MCPH1: variants seen among roughly 807,000 people sequenced by gnomAD.
MCPH1 encodes the protein microcephalin.
In MCPH1, 104 loss-of-function variants were observed where a neutral mutation model predicts 84.5. That is an observed-to-expected ratio of 1.23 (90% confidence interval 1.05 to 1.45). The LOEUF (loss-of-function observed/expected upper bound fraction) is 1.45, where lower values mean the gene tolerates loss of function less well. Ranked by LOEUF, MCPH1 falls within the 40% of genes most tolerant of loss-of-function variation. The pLI, the probability that MCPH1 is intolerant of heterozygous loss-of-function variation, is 0.00. For missense variants in MCPH1, 1,498 were observed against 1,005.7 expected (o/e 1.49, Z -6.62); for synonymous variants, 514 against 366.8 (o/e 1.40, Z -4.58).
intron 12 of MCPH1, among the ~76,000 whole-genome samples, chr8:6,535,191 A>G (rs1283312722): frequency 6.6e-6 from 1 of 152,224 alleles, no homozygotes; most frequent in Non-Finnish European, 1.5e-5. Context: ...ACTCTAAATC[A>G]TACAACCAGA....
intron 12 of MCPH1, among the ~76,000 whole-genome samples, chr8:6,620,500 G>C (rs953676373): frequency 6.6e-6 from 1 of 152,042 alleles, no homozygotes; most frequent in Non-Finnish European, 1.5e-5. Context: ...CCCTGACTGA[G>C]AGGACCCCGA....
intron 8 of MCPH1, among the ~76,000 whole-genome samples, chr8:6,448,736 CAT>C (rs1381304525): frequency 1.3e-5 from 2 of 152,130 alleles, no homozygotes; most frequent in South Asian, 2.1e-4. Context: ...AGCAGTATGT[CAT>C]ATATTTACAT....
chr8:6,418,364 CA>C (rs1426821786), intron 3 of MCPH1, among the ~76,000 whole-genome samples: 1 of 152,104 alleles, frequency 6.6e-6, no homozygotes, highest in African/African-American at 2.4e-5. Flanking sequence ...TATTTCCCTC[CA>C]GCTTTCAAAG....
At chr8:6,522,210 C>A (rs1817488746) in intron 12 of MCPH1, among the ~76,000 whole-genome samples, 1 of 152,058 alleles carries the variant, frequency 6.6e-6, no homozygotes. Flanking sequence ...AAAAAATTCT[C>A]CAGGCGTGGT....
chr8:6,424,074 A>G (rs920481669), intron 3 of MCPH1, among the ~76,000 whole-genome samples: 1 of 152,170 alleles, frequency 6.6e-6, no homozygotes, highest in Non-Finnish European at 1.5e-5. Flanking sequence ...CATTAACTTC[A>G]TAAGGTCACT....
At chr8:6,433,098 A>G (rs1802077839) in intron 4 of MCPH1, among the ~76,000 whole-genome samples, 2 of 152,148 alleles carry the variant, frequency 1.3e-5, no homozygotes, top group South Asian at 4.1e-4. Context: ...AATTAACAAT[A>G]TGGTTTTGAC....
At chr8:6,423,908 G>T (rs1050402017) in intron 3 of MCPH1, among the ~76,000 whole-genome samples, 1 of 151,994 alleles carries the variant, frequency 6.6e-6, no homozygotes, top group African/African-American at 2.4e-5. Context: ...GTTTTTATTT[G>T]CATTTCTCTG....
At chr8:6,428,319 C>T (rs1801356349) in intron 3 of MCPH1, among the ~76,000 whole-genome samples, 1 of 152,082 alleles carries the variant, frequency 6.6e-6, no homozygotes, top group Admixed American at 6.6e-5. Context: ...GGGTTAGGAA[C>T]ATCAGTATGT....
chr8:6,407,081 C>T lies in MCPH1; in HGVS notation c.22+392C>T, dbSNP rs1797837078. On this transcript the variant is annotated intron_variant, in intron 1 of 13. Transcript: ENST00000344683. The stretch of plus-strand genomic sequence containing the variant: ...CCCCCAAATCCCGCCTTTCCCCCTA[C>T]CTGCTTTCACCCCTGCTGCCTTAGT... 3 of 333,208 alleles carry T rather than the reference C, an allele frequency of 9.0e-6. No individual in the cohort carries two copies. In the Admixed American group the frequency reaches 1.3e-4, roughly 14 times the overall value. 20.6% of individuals were successfully genotyped at this position (333,208 alleles called of 1,614,324 possible). A position where few individuals can be genotyped will look rare whatever the true frequency, so the allele number is the denominator to read the frequency against.
chr8:6,532,455 T>C (rs1295972888), intron 12 of MCPH1: 3 of 1,613,836 alleles, frequency 1.9e-6, no homozygotes, highest in Non-Finnish European at 2.5e-6. Flanking sequence ...CTACCATTTC[T>C]TTCTTCATGT....
intron 8 of MCPH1, among the ~76,000 whole-genome samples, chr8:6,453,397 T>TG (rs1491197930): frequency 1.4e-4 from 3 of 21,058 alleles, no homozygotes; most frequent in Non-Finnish European, 1.2e-3. Context: ...AATATCAGTC[T>TG]TTTTTTTTTT....
At chr8:6,537,405 G>A (rs905887041) in intron 12 of MCPH1, among the ~76,000 whole-genome samples, 4 of 151,896 alleles carry the variant, frequency 2.6e-5, no homozygotes, top group Admixed American at 1.3e-4. Context: ...TAACATTGAG[G>A]GCCACAGTGA....
At chr8:6,636,834 T>C (rs1430510924) in intron 13 of MCPH1, among the ~76,000 whole-genome samples, 1 of 152,196 alleles carries the variant, frequency 6.6e-6, no homozygotes, top group East Asian at 1.9e-4. Flanking sequence ...TCAAAACATT[T>C]CTGGTCTCCA....
chr8:6,516,549 T>G lies in MCPH1; in HGVS notation c.2214+16620T>G, dbSNP rs142918256. ...TTCCAAGTTTAAATCAGTTCATGAA[T>G]AATACTGCCTCTTATTTGCCTGCAG... On this transcript the variant is annotated intron_variant, in intron 12 of 13. Coordinates refer to ENST00000344683, the MANE Select transcript of MCPH1 (RefSeq NM_024596.5). 6.5e-3 allele frequency among the ~76,000 whole-genome samples: 984 copies of G among 152,338 alleles called. 14 individuals are homozygous for G. The highest frequency in any genetic ancestry group is 0.023 in the African/African-American group (940 of 41,578).
At chr8:6,638,594 AATT>A (rs1468588146) in intron 13 of MCPH1, among the ~76,000 whole-genome samples, 11 of 150,216 alleles carry the variant, frequency 7.3e-5, no homozygotes, top group African/African-American at 1.2e-4. Context: ...AAAAAAAAAA[AATT>A]TTTTTTTTAA....
chr8:6,593,473 G>C (rs954435739), intron 12 of MCPH1, among the ~76,000 whole-genome samples: 4 of 152,184 alleles, frequency 2.6e-5, no homozygotes, highest in African/African-American at 9.7e-5. Flanking sequence ...TCCTGCCTCA[G>C]CCTTCCAAGT....
At chr8:6,611,673 C>T (rs1830281000) in intron 12 of MCPH1, among the ~76,000 whole-genome samples, 1 of 152,238 alleles carries the variant, frequency 6.6e-6, no homozygotes, top group South Asian at 2.1e-4. Context: ...GGCTGGAGTG[C>T]AGTGGCGCCA....
chr8:6,447,372 C>A (rs1804553611), intron 8 of MCPH1: 1 of 985,248 alleles, frequency 1.0e-6, no homozygotes, highest in Admixed American at 6.2e-5. Flanking sequence ...ACCTCCAAAT[C>A]TTTAATGTCG....
intron 11 of MCPH1, among the ~76,000 whole-genome samples, chr8:6,485,992 C>T (rs543424618): frequency 6.6e-6 from 1 of 152,130 alleles, no homozygotes; most frequent in Admixed American, 6.5e-5. Flanking sequence ...TTCAAGAAGA[C>T]AAAGATGACT....
Sources: gnomAD v4.1 joint callset for allele counts (sites outside exome capture counted in the v4.1 genomes callset) on GRCh38, gnomAD v4.1.1 for gene constraint, MANE v1.5 for transcripts, NCBI Gene and HGNC (gene_info 2026-07-23, HGNC 2026-07-21) for gene names.